ZFHX3: variants seen among roughly 807,000 people sequenced by gnomAD.
ZFHX3 encodes zinc finger homeobox 3.
ZFHX3 carries 42 observed loss-of-function variants against 279.1 expected under a neutral mutation model. The ratio of observed to expected loss-of-function variants is 0.15; its 90% CI spans 0.12 to 0.19. The LOEUF is 0.19. ZFHX3 is among the 10% of genes least tolerant of loss of function. The probability of loss-of-function intolerance (pLI) is 1.00; values close to 1 mark genes in which losing one functional copy is unlikely to be tolerated. For missense variants in ZFHX3, 4,981 were observed against 4,754.0 expected, an observed-to-expected ratio of 1.05 and a Z score of -1.40; for synonymous variants, 2,293 against 1,957.8, an observed-to-expected ratio of 1.17 and a Z score of -4.52.
chr16:73,034,229 G>A (rs1188879818), intron 1 of ZFHX3, among the ~76,000 whole-genome samples: 1 of 151,960 alleles, frequency 6.6e-6, no homozygotes, highest in East Asian at 1.9e-4. Context: ...AATGGGAGAC[G>A]CCCACTGGTC....
chr16:73,333,305 T>A (rs528701852), intron 3 of ZFHX3, among the ~76,000 whole-genome samples: 20 of 151,926 alleles, frequency 1.3e-4, no homozygotes, highest in African/African-American at 4.8e-4. Context: ...GACAGACACA[T>A]AAATACATAG....
intron 1 of ZFHX3, among the ~76,000 whole-genome samples, chr16:73,851,313 T>C (rs1176307730): frequency 6.6e-6 from 1 of 152,212 alleles, no homozygotes; most frequent in Non-Finnish European, 1.5e-5. Flanking sequence ...AAGTGTATTT[T>C]GGGACAATTC....
chr16:73,472,019 C>T (rs931118221), intron 2 of ZFHX3, among the ~76,000 whole-genome samples: 2 of 152,130 alleles, frequency 1.3e-5, no homozygotes, highest in East Asian at 1.9e-4. Flanking sequence ...TTCCTCCCCA[C>T]GGACTCATTT....
intron 7 of ZFHX3, among the ~76,000 whole-genome samples, chr16:73,103,351 A>G (rs1469869978): frequency 3.3e-5 from 5 of 150,442 alleles, no homozygotes; most frequent in Non-Finnish European, 1.5e-5. Context: ...AACCTTGGGT[A>G]CCCCAAACCA....
At chr16:72,845,593 C>A (rs1373516633) in intron 4 of ZFHX3, among the ~76,000 whole-genome samples, 1 of 152,200 alleles carries the variant, frequency 6.6e-6, no homozygotes, top group Non-Finnish European at 1.5e-5. Flanking sequence ...GCCCCAGGAG[C>A]CTGTGTTCTG....
chr16:73,418,708 G>T (rs750422163), intron 3 of ZFHX3, among the ~76,000 whole-genome samples: 7 of 152,168 alleles, frequency 4.6e-5, no homozygotes, highest in Non-Finnish European at 7.4e-5. Flanking sequence ...TGTAAAACAG[G>T]TCTCCCATCC....
At chr16:73,410,914 G>A (rs2017453189) in intron 3 of ZFHX3, among the ~76,000 whole-genome samples, 1 of 152,224 alleles carries the variant, frequency 6.6e-6, no homozygotes, top group Admixed American at 6.5e-5. Flanking sequence ...GGTTCACAGT[G>A]GCAGGTGCAG....
At chr16:73,368,512 A>G (rs1465197005) in intron 3 of ZFHX3, among the ~76,000 whole-genome samples, 1 of 152,212 alleles carries the variant, frequency 6.6e-6, no homozygotes, top group Non-Finnish European at 1.5e-5. Flanking sequence ...TCGTATTTTA[A>G]TTCAACAGCA....
intron 3 of ZFHX3, among the ~76,000 whole-genome samples, chr16:73,345,913 C>G (rs937168392): frequency 3.3e-5 from 5 of 152,048 alleles, no homozygotes; most frequent in African/African-American, 9.7e-5. Flanking sequence ...TCAGCTGTGG[C>G]CAGAATTTAG....
At chr16:73,255,621 A>G (rs1351823676) in intron 5 of ZFHX3, among the ~76,000 whole-genome samples, 5 of 152,210 alleles carry the variant, frequency 3.3e-5, no homozygotes, top group Admixed American at 3.3e-4. Flanking sequence ...CAGTCACCCC[A>G]CTGAGCAATT....
At chr16:73,591,381 C>CA (rs1178720395) in intron 2 of ZFHX3, among the ~76,000 whole-genome samples, 27 of 145,212 alleles carry the variant, frequency 1.9e-4, no homozygotes, top group Admixed American at 6.9e-4. Flanking sequence ...AACAAACAAA[C>CA]AAACAAAAAT....
chr16:72,955,215 G>A (rs568780522), intron 2 of ZFHX3, among the ~76,000 whole-genome samples: 2 of 152,144 alleles, frequency 1.3e-5, no homozygotes, highest in Admixed American at 1.3e-4. Context: ...CCCCGTGGCC[G>A]ACAAGTAGTG....
At chr16:72,867,796 C>A (rs1239703143) in intron 4 of ZFHX3, among the ~76,000 whole-genome samples, 1 of 151,984 alleles carries the variant, frequency 6.6e-6, no homozygotes, top group Non-Finnish European at 1.5e-5. Context: ...TGGCAGCTTT[C>A]CTCTTCTAAT....
chr16:73,601,027 A>G (rs996097321), intron 2 of ZFHX3, among the ~76,000 whole-genome samples: 2 of 146,420 alleles, frequency 1.4e-5, no homozygotes, highest in Admixed American at 1.4e-4. Flanking sequence ...AAAAAAAAAA[A>G]TGTTGAGTGT....
intron 8 of ZFHX3, among the ~76,000 whole-genome samples, chr16:73,072,424 A>G (rs1352272218): frequency 1.3e-5 from 2 of 148,194 alleles, no homozygotes; most frequent in African/African-American, 5.0e-5. Flanking sequence ...AGCCTGAGCA[A>G]CAAGAGTGAA....
At chr16:73,853,750 G>T (rs1961648964) in intron 1 of ZFHX3, among the ~76,000 whole-genome samples, 1 of 152,016 alleles carries the variant, frequency 6.6e-6, no homozygotes, top group Admixed American at 6.6e-5. Flanking sequence ...TTGGGTAATG[G>T]GTACACTAGA....
At chr16:73,608,923 CTTT>C (rs1447092487) in intron 2 of ZFHX3, 1 of 152,154 alleles carries the variant, frequency 6.6e-6, no homozygotes, top group Non-Finnish European at 1.5e-5. Context: ...TCTAATTACT[CTTT>C]TTTAGTCTTT....
chr16:73,155,923 G>A (rs765793333), intron 5 of ZFHX3, among the ~76,000 whole-genome samples: 29 of 151,932 alleles, frequency 1.9e-4, no homozygotes, highest in Admixed American at 6.6e-4. Context: ...TCACATATAT[G>A]TTATATATGT....
At chr16:73,549,568 C>T (rs756858777) in intron 2 of ZFHX3, among the ~76,000 whole-genome samples, 54 of 152,098 alleles carry the variant, frequency 3.6e-4, no homozygotes, top group Admixed American at 3.9e-4. Context: ...TATTTCAAGC[C>T]TTTTCTAAAG....
Sources: gnomAD v4.1 joint callset for allele counts (sites outside exome capture counted in the v4.1 genomes callset) on GRCh38, gnomAD v4.1.1 for gene constraint, MANE v1.5 for transcripts, NCBI Gene and HGNC (gene_info 2026-07-23, HGNC 2026-07-21) for gene names.